Variants in PRKCI observed in about 807,000 individuals in gnomAD.
PRKCI encodes the protein protein kinase C iota.
Under a neutral mutation model 84.0 loss-of-function variants are expected in PRKCI, and 43 were observed. That is an observed-to-expected ratio of 0.51 (90% CI 0.40 to 0.66). The LOEUF is 0.66. Among genes scored for constraint, PRKCI ranks in the 30% least tolerant of loss-of-function variants. The pLI is 0.00. For missense variants in PRKCI, 459 were observed against 745.6 expected, an observed-to-expected ratio of 0.62 and a Z score of 4.48; for synonymous variants, 216 against 234.4, an observed-to-expected ratio of 0.92 and a Z score of 0.72.
At chr3:170,237,399 G>A (rs1305272614) in intron 2 of PRKCI, among the ~76,000 whole-genome samples, 1 of 152,128 alleles carries the variant, frequency 6.6e-6, no homozygotes, top group Non-Finnish European at 1.5e-5. Context: ...TGGGTTGGGG[G>A]TGAGGGATAA....
At chr3:170,263,354 C>G (rs1560175774) in intron 3 of PRKCI, 25 bp from the exon 4 acceptor site, 2 of 1,574,990 alleles carry the variant, frequency 1.3e-6, no homozygotes, top group Non-Finnish European at 1.7e-6. Flanking sequence ...ATGCTGTTAA[C>G]TCATGTTCGT....
At chr3:170,286,972 G>A (rs1201275767) in intron 12 of PRKCI, among the ~76,000 whole-genome samples, 2 of 151,870 alleles carry the variant, frequency 1.3e-5, no homozygotes, top group African/African-American at 2.4e-5. Flanking sequence ...TATTTGTCAT[G>A]TTACTATGTG....
chr3:170,303,174 A>G lies in PRKCI; in HGVS notation c.*47A>G. On this transcript the variant is annotated 3_prime_UTR_variant, in exon 18 of 18. Transcript: ENST00000295797. Reference sequence around the variant, plus strand: ...TTCTACTCATGTTGCCATTTAATGCATGGATAAACTTGCTGCAAGCCTGGA... The same window carrying G: ...TTCTACTCATGTTGCCATTTAATGCGTGGATAAACTTGCTGCAAGCCTGGA... 7.0e-7 allele frequency: 1 copy of G among 1,426,086 alleles called. No homozygotes were observed. Among genetic ancestry groups the G allele is most frequent in the Non-Finnish European group, 9.7e-7 (1 of 1,033,484 alleles). 88.3% of individuals were successfully genotyped at this position (1,426,086 alleles called of 1,614,324 possible).
At chr3:170,275,493 CTTA>C (rs1734094128) in intron 8 of PRKCI, among the ~76,000 whole-genome samples, 1 of 151,934 alleles carries the variant, frequency 6.6e-6, no homozygotes, top group Non-Finnish European at 1.5e-5. Context: ...AGTGGGATAA[CTTA>C]TTTTCATTTT....
intron 1 of PRKCI, among the ~76,000 whole-genome samples, chr3:170,224,932 G>A (rs905323740): frequency 6.6e-6 from 1 of 152,192 alleles, no homozygotes; most frequent in African/African-American, 2.4e-5. Flanking sequence ...TTTGACACAT[G>A]TAAATAGGCC....
At chr3:170,278,297 T>A (rs1485990405) in intron 8 of PRKCI, among the ~76,000 whole-genome samples, 10 of 152,224 alleles carry the variant, frequency 6.6e-5, no homozygotes, top group African/African-American at 2.4e-4. Flanking sequence ...CTTAACCTTC[T>A]CAAACCTGGT....
chr3:170,277,693 C>CAAAA (rs113442053), intron 8 of PRKCI, among the ~76,000 whole-genome samples: 1 of 79,300 alleles, frequency 1.3e-5, no homozygotes, highest in Non-Finnish European at 2.9e-5. Flanking sequence ...GACTCCGTCT[C>CAAAA]AAAAAAAAAA....
At chr3:170,269,283 T>G (rs902053956) in intron 5 of PRKCI, among the ~76,000 whole-genome samples, 1 of 152,220 alleles carries the variant, frequency 6.6e-6, no homozygotes, top group Admixed American at 6.5e-5. Context: ...CTAAAACTAA[T>G]GCCATGTAAT....
chr3:170,256,771 G>A (rs780001511), intron 2 of PRKCI, among the ~76,000 whole-genome samples: 9 of 151,824 alleles, frequency 5.9e-5, no homozygotes, highest in Admixed American at 2.0e-4. Context: ...TTCATTTAGC[G>A]CCTTTCTCCT....
chr3:170,278,414 C>G (rs78850841), intron 8 of PRKCI, among the ~76,000 whole-genome samples: 2,355 of 152,258 alleles, frequency 0.015, 40 homozygotes, highest in East Asian at 0.085. Flanking sequence ...AATCCTAGGA[C>G]TTTAGACCGG....
chr3:170,278,038 T>TCTTTCA (rs1281541419), intron 8 of PRKCI, among the ~76,000 whole-genome samples: 5 of 152,242 alleles, frequency 3.3e-5, no homozygotes, highest in Non-Finnish European at 7.3e-5. Flanking sequence ...AAAATGTTTT[T>TCTTTCA]CTTTCACTTT....
chr3:170,235,968 TA>T (rs1732964649), intron 2 of PRKCI, among the ~76,000 whole-genome samples: 1 of 152,088 alleles, frequency 6.6e-6, no homozygotes, highest in African/African-American at 2.4e-5. Context: ...TTTTATTTTT[TA>T]AAGACAGGGT....
chr3:170,234,229 C>G (rs1257273729), intron 1 of PRKCI, among the ~76,000 whole-genome samples: 2 of 151,684 alleles, frequency 1.3e-5, no homozygotes, highest in Non-Finnish European at 2.9e-5. Context: ...CAGGGTTTCT[C>G]CATATTGGTC....
intron 1 of PRKCI, among the ~76,000 whole-genome samples, chr3:170,224,647 C>T (rs1457425996): frequency 6.6e-6 from 1 of 152,162 alleles, no homozygotes; most frequent in African/African-American, 2.4e-5. Flanking sequence ...CCTCAGCCTT[C>T]TGAGTAGCTG....
chr3:170,296,097 A>G, intron 15 of PRKCI, 107 bp downstream of exon 15: 2 of 575,114 alleles, frequency 3.5e-6, no homozygotes, highest in South Asian at 5.6e-5. Context: ...TAGAGAATGT[A>G]ACTTTTTCAG....
At chr3:170,237,442 C>T (rs1157333599) in intron 2 of PRKCI, among the ~76,000 whole-genome samples, 2 of 152,090 alleles carry the variant, frequency 1.3e-5, no homozygotes, top group East Asian at 1.9e-4. Flanking sequence ...GTACACTGCT[C>T]AGGTGATAGG....
In PRKCI at chr3:170,235,105, A is replaced by G. The variant is rs71277164; in HGVS notation, c.102-125A>G. On this transcript the variant is annotated intron_variant, in intron 1 of 17. Coordinates refer to ENST00000295797, the MANE Select transcript of PRKCI (RefSeq NM_002740.6). ...TTTACTTGAATGAAATCATTTACTG[A>G]AAGCAATACATGTTGATGCACACAC... 3,607 of 976,250 alleles carry G rather than the reference A, an allele frequency of 3.7e-3. 105 individuals are homozygous for G. The East Asian group carries it at 0.069, about 19-fold the overall frequency. The allele number at this position is 976,250 out of a possible 1,614,324, so 60.5% of individuals were successfully genotyped here. A position where few individuals can be genotyped will look rare whatever the true frequency, so the allele number is the denominator to read the frequency against.
chr3:170,280,698 C>G (rs1734222017), intron 9 of PRKCI, among the ~76,000 whole-genome samples: 1 of 152,160 alleles, frequency 6.6e-6, no homozygotes, highest in South Asian at 2.1e-4. Flanking sequence ...ATCCACCCGC[C>G]TCAGCCTCCC....
At position 170,268,025 on chromosome 3, in the gene PRKCI, A is replaced by G; in HGVS notation, c.450+25A>G. 8 of 1,564,890 alleles carry G rather than the reference A, an allele frequency of 5.1e-6. No homozygotes were observed. The South Asian group carries it at 9.1e-5, about 18-fold the overall frequency. ...GGTAAACATAGTTTGTTGAATGTCG[A>G]TAATGTGAAACAGCTATTTTTTCCC... On this transcript the variant is annotated intron_variant, in intron 5 of 17. Coordinates refer to ENST00000295797, the MANE Select transcript of PRKCI (RefSeq NM_002740.6).
Sources: gnomAD v4.1 joint callset for allele counts (sites outside exome capture counted in the v4.1 genomes callset) on GRCh38, gnomAD v4.1.1 for gene constraint, MANE v1.5 for transcripts, NCBI Gene and HGNC (gene_info 2026-07-23, HGNC 2026-07-21) for gene names.